The following SETD1B variants were observed in gnomAD, a reference collection of about 807,000 sequenced individuals.
The protein encoded by SETD1B is histone-lysine N-methyltransferase SETD1B.
A neutral mutation model predicts 148.0 loss-of-function variants in SETD1B; 7 were observed. That is an observed-to-expected ratio of 0.05 (90% CI 0.03 to 0.09). SETD1B has a LOEUF of 0.09. SETD1B is among the 10% of genes least tolerant of loss of function. The pLI is 1.00. For missense variants in SETD1B, 2,155 were observed against 2,729.9 expected, an observed-to-expected ratio of 0.79 and a Z score of 4.69; for synonymous variants, 1,361 against 1,186.5, an observed-to-expected ratio of 1.15 and a Z score of -3.02.
intron 12 of SETD1B, 53 bp from the exon 13 acceptor site, chr12:121,825,131 CGGGACCAGTCTATGAA>C (rs1876776709): frequency 6.8e-7 from 1 of 1,464,614 alleles, no homozygotes; most frequent in Non-Finnish European, 9.2e-7. Context: ...TGAGGATGGG[CGGGACCAGTCTATGAA>C]GGGACCAGAA....
chr12:121,793,466 C>T, the SETD1B span: 1 of 1,538,284 alleles, frequency 6.5e-7, no homozygotes, highest in Non-Finnish European at 8.7e-7. Context: ...GCGTCCCTCG[C>T]CCCCACCCCA....
At chr12:121,799,753 A>C (rs1875232578), upstream of SETD1B, 3 of 89,506 alleles carry the variant, frequency 3.4e-5, no homozygotes, top group South Asian at 4.4e-4. Context: ...GGGCCGCAGA[A>C]CCAGCCCGGC....
chr12:121,797,727 A>G, the SETD1B span: 1 of 393,738 alleles, frequency 2.5e-6, no homozygotes, highest in South Asian at 1.8e-5. Context: ...GAAGACTCTA[A>G]AGGGAGGCGC....
intron 12 of SETD1B, 100 bp from the exon 13 acceptor site, chr12:121,825,100 C>T (rs1290075838): frequency 1.0e-5 from 13 of 1,263,380 alleles, no homozygotes; most frequent in South Asian, 2.9e-5. Flanking sequence ...AACTGGACAT[C>T]GCTGTCCCTG....
chr12:121,806,723 CTG>C (rs1875762916), intron 4 of SETD1B, among the ~76,000 whole-genome samples: 2 of 152,046 alleles, frequency 1.3e-5, no homozygotes, highest in South Asian at 2.1e-4. Flanking sequence ...AGGGTTGACA[CTG>C]TGTCTTCCCT....
chr12:121,794,454 T>A, the SETD1B span: 1 of 152,264 alleles, frequency 6.6e-6, no homozygotes, highest in African/African-American at 2.4e-5. Context: ...CAAGACGTCG[T>A]CAGGGAGGGG....
rs1275125366 is a variant in SETD1B at position 121,817,902 on chromosome 12, A to G, written c.3416A>G (p.Glu1139Gly). 1 of 1,544,130 alleles carries G rather than the reference A, an allele frequency of 6.5e-7. No individual in the cohort carries two copies. The highest frequency in any genetic ancestry group is 2.0e-5 in the Admixed American group (1 of 49,640). The change falls in exon 10 of 17, where the codon GAA becomes GGA. Residue 1139 changes from glutamate (E) to glycine (G), a missense_variant and splice_region_variant. Transcript: ENST00000604567. This position sits in a 1 kb window ranked among gnomAD's most constrained non-coding sequence, Gnocchi z 8.1. ...GAGAAGGACGAAGGGGACTCGGATG[A>G]AGGTGAGCAGGGAGGCCGTGGCTGC... is the stretch of plus-strand genomic sequence containing the variant. The part of the protein sequence containing the change: ...ASEKDEGDSD[E>G]EETVSIVTSK...
chr12:121,797,721 ACT>A, the SETD1B span: 5 of 410,176 alleles, frequency 1.2e-5, no homozygotes, highest in East Asian at 7.1e-5. Flanking sequence ...AGCAACGAAG[ACT>A]CTAAAGGGAG....
chr12:121,817,074 G>A lies in SETD1B; in HGVS notation c.2757G>A (p.Glu919=), dbSNP rs757701539. 2 of 1,546,296 alleles carry A rather than the reference G, an allele frequency of 1.3e-6. No homozygotes were observed. Among genetic ancestry groups the A allele is most frequent in the South Asian group, 1.2e-5 (1 of 83,896 alleles). ...TPVKSGEHKD[E]DRPKPKDRIA... ...TGAAGTCGGGCGAGCACAAGGACGA[G>A]GACAGGCCGAAGCCCAAGGACCGCA... The change falls in exon 8 of 17, where the codon GAG becomes GAA. Residue 919 remains glutamate, a synonymous_variant. Transcript: ENST00000604567. The surrounding 1 kb of genome is among the most constrained non-coding windows in gnomAD (Gnocchi z 8.1).
chr12:121,821,578 C>T (rs970634236), intron 11 of SETD1B, among the ~76,000 whole-genome samples: 4 of 151,528 alleles, frequency 2.6e-5, no homozygotes, highest in African/African-American at 9.7e-5. Context: ...GACGAAACCC[C>T]ATCTCTACTA....
chr12:121,812,897 C>T (rs555488198), intron 6 of SETD1B, among the ~76,000 whole-genome samples: 2 of 152,238 alleles, frequency 1.3e-5, no homozygotes, highest in Admixed American at 1.3e-4. Context: ...CCTTCCTCAC[C>T]TGTAGTCTGA....
rs67605254 is a variant in SETD1B at position 121,805,689 on chromosome 12, ATTT to A, written c.274-132_274-130del. Reference sequence around the variant, plus strand: ...CGTGCATTTTTTTTTTCCAAAAAAAATTTTTTTTTTTTTTTTAATTTTTAGTTT... The same window carrying A: ...CGTGCATTTTTTTTTTCCAAAAAAAATTTTTTTTTTTTTAATTTTTAGTTT... On this transcript the variant is annotated intron_variant, in intron 3 of 16. Transcript: ENST00000604567. The surrounding 1 kb of genome is among the most constrained non-coding windows in gnomAD (Gnocchi z 4.2). 39,643 of 524,700 alleles carry A rather than the reference ATTT, an allele frequency of 0.076. 10 individuals are homozygous for A. Among genetic ancestry groups the A allele is most frequent in the East Asian group, 0.12 (2,577 of 21,382 alleles). 32.5% of individuals were successfully genotyped at this position (524,700 alleles called of 1,614,324 possible). A position where few individuals can be genotyped will look rare whatever the true frequency, so the allele number is the denominator to read the frequency against.
chr12:121,790,354 T>C, the SETD1B span, among the ~76,000 whole-genome samples: 2 of 152,290 alleles, frequency 1.3e-5, no homozygotes, highest in African/African-American at 4.8e-5. Context: ...CTACGTTTAC[T>C]AGACTCATTT....
In SETD1B at chr12:121,823,637, C is replaced by T. The variant is rs77099322; in HGVS notation, c.5058C>T (p.Asn1686=). The change falls in exon 12 of 17, where the codon AAC becomes AAT. Residue 1686 remains asparagine, a synonymous_variant. Transcript: ENST00000604567. The part of the protein sequence containing the change: ...EEMTILYDIW[N]GGIDEEDIRF... ...TGACCATCCTGTATGACATCTGGAA[C>T]GGTGGCATCGATGAGGAGGACATCC... The T allele has an allele frequency of 1.0e-3, 1,628 of 1,551,540 alleles. 14 individuals carry two copies. In the African/African-American group the frequency reaches 0.02, roughly 19 times the overall value.
At position 121,830,052 on chromosome 12, in the gene SETD1B, C is replaced by G. The variant is rs547508475; in HGVS notation, c.5728-14C>G. 3.4e-5 allele frequency: 52 copies of G among 1,546,134 alleles called. 1 individual carries two copies. The Admixed American group carries it at 7.3e-4, about 22-fold the overall frequency. ...GGGACCAGGGGCTCATTCTCCCCCC[C>G]ACCTTGCCTGCAGCCCAACTGCTAT... On this transcript the variant is annotated splice_polypyrimidine_tract_variant and intron_variant, in intron 16 of 16. Transcript: ENST00000604567. This position sits in a 1 kb window ranked among gnomAD's most constrained non-coding sequence, Gnocchi z 5.7.
intron 4 of SETD1B, among the ~76,000 whole-genome samples, chr12:121,807,566 T>C (rs1161881342): frequency 1.3e-5 from 2 of 152,196 alleles, no homozygotes; most frequent in Non-Finnish European, 2.9e-5. Flanking sequence ...GAACGTGTCT[T>C]TTTTGCATAT....
the SETD1B span, chr12:121,793,253 G>A: frequency 6.5e-7 from 1 of 1,549,966 alleles, no homozygotes; most frequent in Non-Finnish European, 8.7e-7. Context: ...CGGGAGAGGG[G>A]GTCGGGTTGG....
intron 13 of SETD1B, 99 bp from the exon 14 acceptor site, chr12:121,827,419 AG>A (rs1876893111): frequency 7.2e-7 from 1 of 1,394,968 alleles, no homozygotes; most frequent in Non-Finnish European, 9.4e-7. Context: ...GCCCAGAGCA[AG>A]GAGCCCAGGA....
chr12:121,827,341 G>A (rs1006200422), intron 13 of SETD1B, among the ~76,000 whole-genome samples, 178 bp from the exon 14 acceptor site: 6 of 152,144 alleles, frequency 3.9e-5, no homozygotes, highest in Admixed American at 6.5e-5. Context: ...AGCTTGAGAC[G>A]CTCAGATACT....
Sources: gnomAD v4.1 joint callset for allele counts (sites outside exome capture counted in the v4.1 genomes callset) on GRCh38, gnomAD v4.1.1 for gene constraint, Gnocchi (gnomAD v3.1) non-coding constraint, MANE v1.5 for transcripts, NCBI Gene and HGNC (gene_info 2026-07-23, HGNC 2026-07-21) for gene names.